The following PITPNM3 variants were observed in gnomAD, a reference collection of about 807,000 sequenced individuals.
The protein encoded by PITPNM3 is membrane-associated phosphatidylinositol transfer protein 3.
Under a neutral mutation model 102.0 loss-of-function variants are expected in PITPNM3, and 26 were observed. The observed-to-expected ratio is 0.25, with a 90% CI of 0.19 to 0.35. PITPNM3 has a LOEUF of 0.35. Ranked by LOEUF, PITPNM3 falls within the 10% of genes least tolerant of loss-of-function variation. PITPNM3 has a pLI of 1.00. For synonymous variants in PITPNM3, 578 were observed against 558.6 expected, an observed-to-expected ratio of 1.03 and a Z score of -0.49; for missense variants, 1,083 against 1,346.1, an observed-to-expected ratio of 0.80 and a Z score of 3.06.
chr17:6,494,668 G>T (rs531132462), intron 4 of PITPNM3, among the ~76,000 whole-genome samples: 1 of 152,280 alleles, frequency 6.6e-6, no homozygotes, highest in South Asian at 2.1e-4. Context: ...CACACTATGG[G>T]CCAGGGTGTG....
chr17:6,464,563 C>G (rs1904664025), intron 15 of PITPNM3, 92 bp downstream of exon 15: 2 of 1,361,168 alleles, frequency 1.5e-6, no homozygotes, highest in Non-Finnish European at 2.1e-6. Flanking sequence ...CAGCTCGGCC[C>G]TCTTGACACC....
chr17:6,474,451 C>T lies in PITPNM3; in HGVS notation c.1239G>A (p.Thr413=), dbSNP rs1417224049. Residue 413 remains threonine (T), a synonymous_variant, in exon 10 of 20, where the codon ACG becomes ACA. Coordinates refer to ENST00000262483, the MANE Select transcript of PITPNM3 (RefSeq NM_031220.4). ...PLGLVLAMRR[T]VLPGLDGFQV... ...CCCTACCGTCCAGCCCAGGCAGCAC[C>T]GTCCTCCGCATGGCCAGGACCAGGC... 2.5e-6 allele frequency: 4 copies of T among 1,613,452 alleles called. No homozygotes were observed. The highest frequency in any genetic ancestry group is 8.5e-7 in the Non-Finnish European group (1 of 1,179,942).
chr17:6,526,243 G>A (rs376954181), intron 2 of PITPNM3, among the ~76,000 whole-genome samples: 4 of 152,054 alleles, frequency 2.6e-5, no homozygotes, highest in South Asian at 2.1e-4. Flanking sequence ...CCATAACCAC[G>A]CTGAATACAA....
At chr17:6,479,131 C>T (rs958801826) in intron 6 of PITPNM3, 4 of 200,472 alleles carry the variant, frequency 2.0e-5, no homozygotes, top group Non-Finnish European at 1.0e-5. Context: ...GGAGGTGGGG[C>T]TTGAACTAGG....
At chr17:6,520,637 G>T (rs1908455006) in intron 3 of PITPNM3, among the ~76,000 whole-genome samples, 1 of 152,160 alleles carries the variant, frequency 6.6e-6, no homozygotes, top group Non-Finnish European at 1.5e-5. Flanking sequence ...TGTTGTGTTT[G>T]ATTTTTTCCA....
Position 6,455,211 on chromosome 17 carries a change from A to T in PITPNM3, c.*127T>A. 1 of 1,239,526 alleles carries T rather than the reference A, an allele frequency of 8.1e-7. No individual in the cohort carries two copies. The highest frequency in any genetic ancestry group is 1.1e-6 in the Non-Finnish European group (1 of 923,978). The allele number at this position is 1,239,526 out of a possible 1,614,324, so 76.8% of individuals were successfully genotyped here. ...GGATCCCTCCCCGCTCTGGTCGGACACTGCTGGACAGACACGGGAGGGAAA... is the reference window on the plus strand; with the variant it reads ...GGATCCCTCCCCGCTCTGGTCGGACTCTGCTGGACAGACACGGGAGGGAAA... On this transcript the variant is annotated 3_prime_UTR_variant, in exon 20 of 20. Transcript: ENST00000262483.
At chr17:6,498,646 G>C (rs940038800) in intron 4 of PITPNM3, among the ~76,000 whole-genome samples, 12 of 152,196 alleles carry the variant, frequency 7.9e-5, no homozygotes, top group African/African-American at 2.7e-4. Flanking sequence ...GATGGGGACA[G>C]GGAGGAGTGG....
intron 3 of PITPNM3, chr17:6,521,483 CA>C (rs1338063388): frequency 6.6e-6 from 1 of 151,844 alleles, no homozygotes; most frequent in African/African-American, 2.4e-5. Context: ...AAATGTTACA[CA>C]AAAATAACAA....
rs551790950 is a variant in PITPNM3 at position 6,456,274 on chromosome 17, C to T, written c.2620-631G>A. Among the ~76,000 whole-genome samples, 5 of 152,258 alleles carry T rather than the reference C, an allele frequency of 3.3e-5. No individual in the cohort carries two copies. The East Asian group carries it at 9.6e-4, about 29-fold the overall frequency. ...CCTGGGCTCAAGCAATCCTGCGTATCAAAGCACCAGGATTACAGGCATGAG... is the reference window on the plus strand; with the variant it reads ...CCTGGGCTCAAGCAATCCTGCGTATTAAAGCACCAGGATTACAGGCATGAG... On this transcript the variant is annotated intron_variant, in intron 19 of 19. Transcript: ENST00000262483.
chr17:6,538,108 C>T, intron 1 of PITPNM3, 26 bp from the exon 2 acceptor site: 1 of 1,546,864 alleles, frequency 6.5e-7, no homozygotes, highest in Non-Finnish European at 8.9e-7. Context: ...CATCTGTTAA[C>T]CAAGCCTGAG....
chr17:6,508,782 T>A (rs1443075946), intron 3 of PITPNM3, among the ~76,000 whole-genome samples: 1 of 152,028 alleles, frequency 6.6e-6, no homozygotes, highest in African/African-American at 2.4e-5. Flanking sequence ...TGCTGTTTGA[T>A]GAGGTAAGTG....
At chr17:6,474,744 G>A (rs914976954) in intron 9 of PITPNM3, 140 bp from the exon 10 acceptor site, 26 of 1,043,534 alleles carry the variant, frequency 2.5e-5, no homozygotes, top group Middle Eastern at 3.1e-4. Context: ...AGAGTCCACC[G>A]GCTGCACACC....
intron 4 of PITPNM3, among the ~76,000 whole-genome samples, chr17:6,489,098 T>C (rs2076554845): frequency 6.6e-6 from 1 of 152,156 alleles, no homozygotes; most frequent in African/African-American, 2.4e-5. Context: ...GTACAAATCG[T>C]GATCATCCCC....
At chr17:6,541,718 C>T (rs1016369009) in intron 1 of PITPNM3, among the ~76,000 whole-genome samples, 3 of 152,106 alleles carry the variant, frequency 2.0e-5, no homozygotes, top group Admixed American at 6.6e-5. Context: ...GTGGGCATGA[C>T]GACCCCAGAA....
intron 3 of PITPNM3, among the ~76,000 whole-genome samples, chr17:6,515,988 C>T (rs953923143): frequency 1.3e-5 from 2 of 152,090 alleles, no homozygotes; most frequent in East Asian, 3.9e-4. Flanking sequence ...CAAGACCAAC[C>T]AAGACAACAC....
At chr17:6,533,681 T>C (rs1037414660) in intron 2 of PITPNM3, among the ~76,000 whole-genome samples, 2 of 152,018 alleles carry the variant, frequency 1.3e-5, no homozygotes, top group Admixed American at 1.3e-4. Flanking sequence ...GGTCTCACAC[T>C]CCTGAACTCG....
chr17:6,486,468 C>T (rs1287670200), intron 4 of PITPNM3, among the ~76,000 whole-genome samples: 1 of 152,176 alleles, frequency 6.6e-6, no homozygotes, highest in Non-Finnish European at 1.5e-5. Flanking sequence ...CAAAGAACTG[C>T]AAATGAGAAG....
At chr17:6,552,367 GAGGGAGGGGCAC>G (rs1456576362) in intron 1 of PITPNM3, among the ~76,000 whole-genome samples, 2 of 152,136 alleles carry the variant, frequency 1.3e-5, no homozygotes, top group Non-Finnish European at 2.9e-5. Context: ...TTGGGGTGCA[GAGGGAGGGGCAC>G]AGGGAGGTAG....
chr17:6,508,314 G>A (rs1394573048), intron 3 of PITPNM3, among the ~76,000 whole-genome samples: 1 of 152,250 alleles, frequency 6.6e-6, no homozygotes, highest in Admixed American at 6.5e-5. Context: ...TTTCTGGCTT[G>A]CCTAGTGCTT....
Sources: gnomAD v4.1 joint callset for allele counts (sites outside exome capture counted in the v4.1 genomes callset) on GRCh38, gnomAD v4.1.1 for gene constraint, MANE v1.5 for transcripts, NCBI Gene and HGNC (gene_info 2026-07-23, HGNC 2026-07-21) for gene names.